Variants in PLCH1 observed in about 807,000 individuals in gnomAD.
PLCH1 encodes phospholipase C eta 1.
In PLCH1, 60 loss-of-function variants were observed where a neutral mutation model predicts 126.7. The observed-to-expected ratio is 0.47, with a 90% CI of 0.38 to 0.59. The LOEUF (loss-of-function observed/expected upper bound fraction) is 0.59, where lower values mean the gene tolerates loss of function less well. Ranked by LOEUF, PLCH1 falls within the 20% of genes least tolerant of loss-of-function variation. The probability of loss-of-function intolerance (pLI) is 0.00; values close to 1 mark genes in which losing one functional copy is unlikely to be tolerated. For missense variants in PLCH1, 1,723 were observed against 2,040.0 expected, an observed-to-expected ratio of 0.84 and a Z score of 2.99; for synonymous variants, 719 against 734.9, an observed-to-expected ratio of 0.98 and a Z score of 0.35.
chr3:155,715,340 C>T (rs1053166369), intron 1 of PLCH1, among the ~76,000 whole-genome samples: 5 of 152,004 alleles, frequency 3.3e-5, no homozygotes, highest in African/African-American at 1.2e-4. Flanking sequence ...CTCACTCTGT[C>T]ATCCAAGCTG....
intron 2 of PLCH1, among the ~76,000 whole-genome samples, chr3:155,610,332 G>C (rs1039090112): frequency 3.9e-5 from 5 of 128,096 alleles, no homozygotes; most frequent in African/African-American, 1.5e-4. Context: ...TTGCACTCCA[G>C]CCTGGGCAAC....
Position 155,491,117 on chromosome 3 carries a change from T to C in PLCH1, c.2308-249A>G, listed in dbSNP as rs1716112329. On this transcript the variant is annotated intron_variant, in intron 18 of 22. Transcript: ENST00000460012. The stretch of plus-strand genomic sequence containing the variant: ...TTACCCACTGAACCTACAACTTTAG[T>C]TCAGGGCAAATACCAAACAGAACTG... Among the ~76,000 whole-genome samples, 3 of 152,210 alleles carry C rather than the reference T, an allele frequency of 2.0e-5. No homozygotes were observed. In the South Asian group the frequency reaches 6.2e-4, roughly 32 times the overall value.
rs1365136795 is a variant in PLCH1 at position 155,481,806 on chromosome 3, G to A, written c.4220C>T (p.Pro1407Leu). The change falls in exon 23 of 23, where the codon CCT (proline) becomes CTT (leucine). Residue 1407 changes from proline (P) to leucine (L), a missense_variant. Around this residue, in one of 2 missense-constraint regions of PLCH1, gnomAD observed 947 missense variants for 977.1 expected, o/e 0.97. Coordinates refer to ENST00000460012, the MANE Select transcript of PLCH1 (RefSeq NM_014996.4). This position sits in a 1 kb window ranked among gnomAD's most constrained non-coding sequence, Gnocchi z 4.2. ...ATTGTTGAATATTTCAGGGACAGAA[G>A]GGCGGAGGGTCTCTTTACAGTAGCC... ...RNGYCKETLR[P>L]SVPEIFNNIQ... 1 of 1,614,178 alleles carries A rather than the reference G, an allele frequency of 6.2e-7. No homozygotes were observed. Among genetic ancestry groups the A allele is most frequent in the East Asian group, 2.2e-5 (1 of 44,884 alleles).
intron 14 of PLCH1, among the ~76,000 whole-genome samples, chr3:155,498,146 T>C (rs1285500037): frequency 6.6e-6 from 1 of 152,210 alleles, no homozygotes; most frequent in African/African-American, 2.4e-5. Context: ...GGTAGACATC[T>C]TCTTATGTGA....
intron 2 of PLCH1, among the ~76,000 whole-genome samples, chr3:155,623,830 A>T (rs1736859930): frequency 6.6e-6 from 1 of 152,234 alleles, no homozygotes; most frequent in African/African-American, 2.4e-5. Context: ...TACAAAGAGG[A>T]GCTGGTACCA....
intron 10 of PLCH1, among the ~76,000 whole-genome samples, chr3:155,541,638 G>C (rs1724247736): frequency 6.6e-6 from 1 of 152,086 alleles, no homozygotes; most frequent in Admixed American, 6.5e-5. Context: ...AATTGCAATA[G>C]TAGCATTAAA....
intron 10 of PLCH1, among the ~76,000 whole-genome samples, chr3:155,535,255 A>C (rs1723196155): frequency 6.6e-6 from 1 of 152,212 alleles, no homozygotes; most frequent in East Asian, 1.9e-4. Context: ...AACCAAGCGT[A>C]AACATTTATG....
Position 155,492,726 on chromosome 3 carries a change from T to G in PLCH1, c.2307+3A>C, listed in dbSNP as rs1440038160. On this transcript the variant is annotated splice_donor_region_variant and intron_variant, in intron 18 of 22. Transcript: ENST00000460012. ...CTTAGACACGTAGTCATAGGCAACT[T>G]ACCTCGCCTCGATCTCCAAACATGG... The G allele has an allele frequency of 6.4e-7, 1 of 1,568,764 alleles. No homozygotes were observed. The highest frequency in any genetic ancestry group is 8.6e-7 in the Non-Finnish European group (1 of 1,160,768).
chr3:155,741,221 A>T (rs187420365), intron 1 of PLCH1, among the ~76,000 whole-genome samples: 1 of 152,328 alleles, frequency 6.6e-6, no homozygotes, highest in Non-Finnish European at 1.5e-5. Flanking sequence ...TGTCCACTGA[A>T]CTGTGTCTAA....
chr3:155,576,972 T>G (rs377632625), intron 6 of PLCH1, among the ~76,000 whole-genome samples: 3 of 152,376 alleles, frequency 2.0e-5, no homozygotes, highest in East Asian at 3.9e-4. Context: ...TATCATTCTA[T>G]AATTTCACCA....
intron 21 of PLCH1, among the ~76,000 whole-genome samples, chr3:155,458,522 A>AG (rs766489669): frequency 1.4e-5 from 2 of 146,538 alleles, no homozygotes; most frequent in African/African-American, 2.6e-5. Flanking sequence ...AGAAATAAGA[A>AG]AGAGAAAGAA....
At chr3:155,512,073 G>T (rs1163566010) in intron 12 of PLCH1, among the ~76,000 whole-genome samples, 1 of 149,776 alleles carries the variant, frequency 6.7e-6, no homozygotes, top group Non-Finnish European at 1.5e-5. Flanking sequence ...TTCTTAAGCC[G>T]GTCTGAAAAG....
At chr3:155,724,325 G>C (rs915835825) in intron 1 of PLCH1, among the ~76,000 whole-genome samples, 1 of 152,150 alleles carries the variant, frequency 6.6e-6, no homozygotes, top group Admixed American at 6.5e-5. Context: ...CTGTCTAGGT[G>C]CTGTCAGTGG....
intron 11 of PLCH1, among the ~76,000 whole-genome samples, chr3:155,516,460 T>G (rs1204522437): frequency 7.9e-6 from 1 of 126,342 alleles, no homozygotes; most frequent in Non-Finnish European, 1.7e-5. Flanking sequence ...AAAGAACACA[T>G]GAGTTTTCCT....
At chr3:155,529,933 A>T (rs1037690016) in intron 10 of PLCH1, among the ~76,000 whole-genome samples, 2 of 151,916 alleles carry the variant, frequency 1.3e-5, no homozygotes, top group Non-Finnish European at 2.9e-5. Flanking sequence ...TGCCCAGCTA[A>T]TTTTGTATTT....
intron 10 of PLCH1, among the ~76,000 whole-genome samples, chr3:155,540,069 A>T (rs150671210): frequency 0.049 from 7,514 of 152,200 alleles, 229 homozygotes; most frequent in Middle Eastern, 0.092. Context: ...CAGAATAGAG[A>T]ACCCAGAAAG....
chr3:155,543,675 C>A (rs1447604597), intron 10 of PLCH1, among the ~76,000 whole-genome samples: 2 of 151,996 alleles, frequency 1.3e-5, no homozygotes, highest in African/African-American at 4.8e-5. Context: ...GCCCATCAGA[C>A]TAACAGCGGA....
At chr3:155,693,919 A>T (rs560541328) in intron 2 of PLCH1, among the ~76,000 whole-genome samples, 1 of 152,066 alleles carries the variant, frequency 6.6e-6, no homozygotes, top group South Asian at 2.1e-4. Context: ...CTCAGGAGCG[A>T]AACTCTGTCT....
chr3:155,556,147 G>C (rs1270588544), intron 8 of PLCH1, among the ~76,000 whole-genome samples: 1 of 152,202 alleles, frequency 6.6e-6, no homozygotes, highest in African/African-American at 2.4e-5. Flanking sequence ...TGCCTTTAGA[G>C]TTCGAGACCG....
Sources: allele counts gnomAD v4.1 joint callset (sites outside exome capture counted in the v4.1 genomes callset), GRCh38; gene constraint gnomAD v4.1.1; regional missense constraint gnomAD v4.1.1; non-coding constraint Gnocchi (gnomAD v3.1); transcripts MANE v1.5; gene names NCBI Gene and HGNC (gene_info 2026-07-23, HGNC 2026-07-21).